NPNT: variants seen among roughly 807,000 people sequenced by gnomAD.
NPNT encodes preosteoblast EGF-like repeat protein with MAM domain.
A neutral mutation model predicts 68.6 loss-of-function variants in NPNT; 45 were observed. The ratio of observed to expected loss-of-function variants is 0.66; its 90% confidence interval spans 0.52 to 0.84. NPNT has a LOEUF of 0.84. NPNT is among the 40% of genes least tolerant of loss of function. NPNT has a pLI of 0.00. For missense variants in NPNT, 672 were observed against 714.8 expected, an observed-to-expected ratio of 0.94 and a Z score of 0.68; for synonymous variants, 233 against 253.3, an observed-to-expected ratio of 0.92 and a Z score of 0.76.
rs760413146 is a variant in NPNT at position 105,967,436 on chromosome 4, A to T, written c.1594A>T (p.Ile532Phe). 6 of 1,584,764 alleles carry T rather than the reference A, an allele frequency of 3.8e-6. No individual in the cohort carries two copies. In the African/African-American group the frequency reaches 6.8e-5, roughly 18 times the overall value. ...ACAGATCACCTTGCGAGGGGCTGACATCAAGAGCGTAAGTAGATCCACAAA... is the reference window on the plus strand; with the variant it reads ...ACAGATCACCTTGCGAGGGGCTGACTTCAAGAGCGTAAGTAGATCCACAAA... The part of the protein sequence containing the change: ...QTQITLRGAD[I>F]KSVVFKGEKR... The change falls in exon 11 of 12, where the codon ATC becomes TTC. Residue 532 changes from isoleucine to phenylalanine, a missense_variant. Physicochemically the swap from Ile to Phe is conservative, Grantham distance 21 (BLOSUM62 0). Transcript: ENST00000379987.
At chr4:105,964,641 T>C (rs1231177959) in intron 10 of NPNT, among the ~76,000 whole-genome samples, 1 of 152,212 alleles carries the variant, frequency 6.6e-6, no homozygotes, top group Non-Finnish European at 1.5e-5. Flanking sequence ...GTTGATCACA[T>C]TTTCATATAT....
intron 2 of NPNT, among the ~76,000 whole-genome samples, chr4:105,909,610 C>T (rs973149109): frequency 1.3e-5 from 2 of 152,050 alleles, no homozygotes; most frequent in African/African-American, 4.8e-5. Context: ...ACTTGTTGTC[C>T]ATAGGGTCTG....
intron 8 of NPNT, among the ~76,000 whole-genome samples, chr4:105,943,662 C>T (rs1730162974): frequency 6.6e-6 from 1 of 152,190 alleles, no homozygotes; most frequent in African/African-American, 2.4e-5. Context: ...TATTTATCTG[C>T]TTGTCCTGTG....
chr4:105,907,647 A>C (rs1448949121), intron 2 of NPNT, among the ~76,000 whole-genome samples: 1 of 152,218 alleles, frequency 6.6e-6, no homozygotes, highest in Non-Finnish European at 1.5e-5. Flanking sequence ...ATAGAAAAAT[A>C]CTAGTAGCAT....
intron 2 of NPNT, among the ~76,000 whole-genome samples, chr4:105,918,780 C>A (rs544550558): frequency 6.6e-6 from 1 of 152,212 alleles, no homozygotes; most frequent in African/African-American, 2.4e-5. Flanking sequence ...CCTTGTCATA[C>A]TTATAATCCT....
At chr4:105,961,757 C>T (rs562297119) in intron 10 of NPNT, among the ~76,000 whole-genome samples, 10 of 152,244 alleles carry the variant, frequency 6.6e-5, no homozygotes, top group Admixed American at 1.3e-4. Context: ...TTGGATAACT[C>T]GTGATGATTG....
chr4:105,969,092 G>A lies in NPNT; in HGVS notation c.*102G>A. 1.4e-6 allele frequency: 1 copy of A among 718,648 alleles called. No individual in the cohort carries two copies. The highest frequency in any genetic ancestry group is 2.3e-6 in the Non-Finnish European group (1 of 433,734). The allele number at this position is 718,648 out of a possible 1,614,324, so 44.5% of individuals were successfully genotyped here. ...CTTTTATCAGGCCTAGGAGAAGAGT[G>A]GGTCAGTGGGTCAGAAGGAAGTCTA... On this transcript the variant is annotated 3_prime_UTR_variant, in exon 12 of 12. Coordinates refer to ENST00000379987, the MANE Select transcript of NPNT (RefSeq NM_001033047.3).
rs1377019667 is a variant in NPNT, at chr4:105,895,551, G to A, written c.-102G>A. 4 of 947,574 alleles carry A rather than the reference G, an allele frequency of 4.2e-6. No individual in the cohort carries two copies. Among genetic ancestry groups the A allele is most frequent in the Non-Finnish European group, 6.4e-6 (4 of 629,028 alleles). The allele number at this position is 947,574 out of a possible 1,614,324, so 58.7% of individuals were successfully genotyped here. ...CAGTAGCCCGGGCGGCGAGGGCTGG[G>A]GGTTCCTCGAGACTCTCAGAGGGGC... On this transcript the variant is annotated 5_prime_UTR_variant, in exon 1 of 12. Coordinates refer to ENST00000379987, the MANE Select transcript of NPNT (RefSeq NM_001033047.3).
intron 2 of NPNT, among the ~76,000 whole-genome samples, chr4:105,918,222 A>G (rs1362303569): frequency 2.0e-5 from 3 of 152,246 alleles, no homozygotes; most frequent in Non-Finnish European, 2.9e-5. Context: ...CTCTGACATC[A>G]TATTAGTCGA....
intron 2 of NPNT, among the ~76,000 whole-genome samples, chr4:105,901,048 CAG>C (rs1468874669): frequency 1.3e-5 from 2 of 152,244 alleles, no homozygotes; most frequent in East Asian, 1.9e-4. Context: ...TTAAACCACT[CAG>C]AGGTTTGTCA....
intron 2 of NPNT, among the ~76,000 whole-genome samples, chr4:105,916,818 C>T (rs1315455003): frequency 6.6e-6 from 1 of 152,086 alleles, no homozygotes; most frequent in East Asian, 1.9e-4. Context: ...TGCAATGCCT[C>T]GTCCAGTTCA....
intron 1 of NPNT, among the ~76,000 whole-genome samples, chr4:105,897,386 A>G (rs1725946006): frequency 6.6e-6 from 1 of 152,142 alleles, no homozygotes; most frequent in Non-Finnish European, 1.5e-5. Flanking sequence ...TCTCAAAAAG[A>G]GCTCTGTTAC....
intron 8 of NPNT, among the ~76,000 whole-genome samples, chr4:105,952,834 A>G (rs538004989): frequency 2.0e-5 from 3 of 152,284 alleles, no homozygotes; most frequent in Non-Finnish European, 4.4e-5. Context: ...CTTATCAGAG[A>G]GTCTTCTTAC....
chr4:105,897,831 A>C, intron 1 of NPNT, 70 bp from the exon 2 acceptor site: 7 of 1,240,580 alleles, frequency 5.6e-6, no homozygotes, highest in Non-Finnish European at 5.9e-6. Flanking sequence ...TTTCTGAAGT[A>C]ATAATACAGA....
rs1377379226 is a variant in NPNT at position 105,971,033 on chromosome 4, G to A, written c.*2043G>A. On this transcript the variant is annotated 3_prime_UTR_variant, in exon 12 of 12. Transcript: ENST00000379987. ...TCAGTAATGTCCTAGTGTGGCGGTG[G>A]TTTTCAATGTTTCTTCATGTTAAAG... The A allele has an allele frequency of 5.4e-6, 2 of 368,432 alleles. No individual in the cohort carries two copies. Among genetic ancestry groups the A allele is most frequent in the Admixed American group, 3.2e-5 (1 of 31,578 alleles). The allele number at this position is 368,432 out of a possible 1,614,324, so 22.8% of individuals were successfully genotyped here.
At chr4:105,931,353 A>C (rs907482908) in intron 3 of NPNT, among the ~76,000 whole-genome samples, 10 of 152,220 alleles carry the variant, frequency 6.6e-5, no homozygotes, top group Admixed American at 1.3e-4. Context: ...AGCATGGTTT[A>C]TGTTTCATAT....
At chr4:105,920,696 G>A (rs992403337) in intron 2 of NPNT, among the ~76,000 whole-genome samples, 1 of 151,998 alleles carries the variant, frequency 6.6e-6, no homozygotes, top group African/African-American at 2.4e-5. Context: ...TAAATAGCGA[G>A]AGATCAAATA....
intron 2 of NPNT, among the ~76,000 whole-genome samples, chr4:105,922,753 A>G (rs1341251665): frequency 6.6e-6 from 1 of 152,124 alleles, no homozygotes; most frequent in Non-Finnish European, 1.5e-5. Flanking sequence ...TTTTGAGGGC[A>G]CTTTGAAGAT....
intron 2 of NPNT, among the ~76,000 whole-genome samples, chr4:105,914,589 C>T (rs1342844586): frequency 1.4e-5 from 2 of 145,094 alleles, no homozygotes; most frequent in African/African-American, 5.1e-5. Flanking sequence ...TCACGTCACT[C>T]ACTATCAGTA....
Sources: gnomAD v4.1 joint callset for allele counts (sites outside exome capture counted in the v4.1 genomes callset) on GRCh38, gnomAD v4.1.1 for gene constraint, MANE v1.5 for transcripts, NCBI Gene and HGNC (gene_info 2026-07-23, HGNC 2026-07-21) for gene names.